The following GPC5 variants were observed in gnomAD, a reference collection of about 807,000 sequenced individuals.
GPC5 encodes the protein glypican-5.
GPC5 carries 47 observed loss-of-function variants against 53.9 expected under a neutral mutation model. The ratio of observed to expected loss-of-function variants is 0.87; its 90% CI spans 0.69 to 1.11. The LOEUF is 1.11. Ranked by LOEUF, GPC5 falls within the 50% of genes most tolerant of loss-of-function variation. The pLI is 0.00. For missense variants in GPC5, 748 were observed against 713.1 expected (o/e 1.05, Z -0.56); for synonymous variants, 286 against 263.3 (o/e 1.09, Z -0.84).
chr13:91,994,484 GC>G (rs2040486207), intron 6 of GPC5: 1 of 152,110 alleles, frequency 6.6e-6, no homozygotes, highest in South Asian at 2.1e-4. Flanking sequence ...GAATCATACA[GC>G]TTTAAGTGAG....
At chr13:91,956,052 C>T (rs1295663749) in intron 6 of GPC5, among the ~76,000 whole-genome samples, 1 of 152,152 alleles carries the variant, frequency 6.6e-6, no homozygotes, top group Non-Finnish European at 1.5e-5. Flanking sequence ...ACTGCTGCTC[C>T]AACCAGAACA....
chr13:92,072,747 T>A (rs1210950832), intron 6 of GPC5, among the ~76,000 whole-genome samples: 1 of 151,858 alleles, frequency 6.6e-6, no homozygotes, highest in Non-Finnish European at 1.5e-5. Flanking sequence ...TTAATTTTTT[T>A]ATTTTGTAGT....
chr13:92,099,280 C>T (rs1421523092), intron 6 of GPC5, among the ~76,000 whole-genome samples: 1 of 152,138 alleles, frequency 6.6e-6, no homozygotes, highest in Non-Finnish European at 1.5e-5. Context: ...GTCCAGGCTC[C>T]TTAAAATTAT....
intron 7 of GPC5, among the ~76,000 whole-genome samples, chr13:92,472,422 T>C (rs753666974): frequency 7.2e-5 from 11 of 152,090 alleles, no homozygotes; most frequent in Non-Finnish European, 1.2e-4. Context: ...ATATATAAGT[T>C]AGCTCACGTG....
intron 7 of GPC5, among the ~76,000 whole-genome samples, chr13:92,665,993 C>T (rs1020861398): frequency 2.0e-5 from 3 of 152,144 alleles, no homozygotes; most frequent in Admixed American, 2.0e-4. Flanking sequence ...CATTACTCTA[C>T]TGAAAATGAG....
chr13:91,438,558 T>C (rs1256073924), intron 1 of GPC5, among the ~76,000 whole-genome samples: 2 of 152,164 alleles, frequency 1.3e-5, no homozygotes, highest in East Asian at 3.9e-4. Flanking sequence ...TTGTGAGGTG[T>C]CAGTCTGCCC....
intron 7 of GPC5, among the ~76,000 whole-genome samples, chr13:92,623,056 C>T (rs1329268165): frequency 2.0e-5 from 3 of 151,708 alleles, no homozygotes; most frequent in Non-Finnish European, 2.9e-5. Flanking sequence ...GTCCCAGCTA[C>T]TAGGGAGGCT....
chr13:92,412,658 A>G (rs1255666612), intron 7 of GPC5, among the ~76,000 whole-genome samples: 3 of 152,196 alleles, frequency 2.0e-5, no homozygotes, highest in Admixed American at 6.5e-5. Flanking sequence ...CTGCAACAGA[A>G]GAGTTGAGTA....
At chr13:92,662,247 T>C (rs1886371810) in intron 7 of GPC5, among the ~76,000 whole-genome samples, 1 of 152,176 alleles carries the variant, frequency 6.6e-6, no homozygotes, top group African/African-American at 2.4e-5. Context: ...TCTTTCCCTT[T>C]ATCTCACAAA....
intron 6 of GPC5, among the ~76,000 whole-genome samples, chr13:91,947,493 A>G (rs1441980595): frequency 6.6e-6 from 1 of 152,094 alleles, no homozygotes; most frequent in East Asian, 1.9e-4. Flanking sequence ...ATTTATTCCT[A>G]CTCAAGTATT....
intron 6 of GPC5, among the ~76,000 whole-genome samples, chr13:92,109,504 G>T (rs140802642): frequency 6.6e-6 from 1 of 151,948 alleles, no homozygotes; most frequent in Non-Finnish European, 1.5e-5. Context: ...CTTCCGTTAG[G>T]CTTTTAGTGA....
chr13:92,550,886 C>T (rs555047074), intron 7 of GPC5, among the ~76,000 whole-genome samples: 7 of 151,774 alleles, frequency 4.6e-5, no homozygotes, highest in Admixed American at 4.6e-4. Context: ...TTTTATCTTG[C>T]CTTGGTTTGT....
chr13:92,355,222 T>C (rs2043512193), intron 7 of GPC5, among the ~76,000 whole-genome samples: 1 of 151,844 alleles, frequency 6.6e-6, no homozygotes, highest in Non-Finnish European at 1.5e-5. Flanking sequence ...GTTTTCATTA[T>C]AACTGGATTT....
intron 6 of GPC5, chr13:92,060,119 A>T (rs538862382): frequency 6.6e-6 from 1 of 151,982 alleles, no homozygotes; most frequent in South Asian, 2.1e-4. Context: ...GATTTTTTTC[A>T]GGTCTAATGT....
At chr13:91,533,284 T>C (rs1886434912) in intron 2 of GPC5, among the ~76,000 whole-genome samples, 1 of 152,226 alleles carries the variant, frequency 6.6e-6, no homozygotes, top group African/African-American at 2.4e-5. Context: ...TTCTTTCCAA[T>C]TTATTTCCAG....
intron 2 of GPC5, among the ~76,000 whole-genome samples, chr13:91,555,409 G>A (rs776607638): frequency 1.3e-4 from 20 of 151,976 alleles, no homozygotes; most frequent in Non-Finnish European, 2.5e-4. Flanking sequence ...TCTGGTACAT[G>A]ACTAACTGCA....
chr13:91,598,077 AG>A (rs2033057907), intron 2 of GPC5, among the ~76,000 whole-genome samples: 1 of 152,100 alleles, frequency 6.6e-6, no homozygotes, highest in Non-Finnish European at 1.5e-5. Context: ...AAACTCTACA[AG>A]TTTACATTTC....
intron 7 of GPC5, among the ~76,000 whole-genome samples, chr13:92,469,979 A>G (rs1177484740): frequency 6.6e-6 from 1 of 152,158 alleles, no homozygotes; most frequent in Non-Finnish European, 1.5e-5. Flanking sequence ...TAGTCTGGTG[A>G]ATATTTTATA....
At chr13:92,430,149 A>G (rs891170674) in intron 7 of GPC5, among the ~76,000 whole-genome samples, 22 of 152,228 alleles carry the variant, frequency 1.4e-4, no homozygotes, top group South Asian at 4.1e-4. Flanking sequence ...AAAAGTGCTT[A>G]TATAGCTCCC....
Sources: gnomAD v4.1 joint callset for allele counts (sites outside exome capture counted in the v4.1 genomes callset) on GRCh38, gnomAD v4.1.1 for gene constraint, MANE v1.5 for transcripts, NCBI Gene and HGNC (gene_info 2026-07-23, HGNC 2026-07-21) for gene names.